The following ASCC1 variants were observed in gnomAD, a reference collection of about 807,000 sequenced individuals.
ASCC1 encodes activating signal cointegrator 1 complex subunit 1.
In ASCC1, 35 loss-of-function variants were observed where a neutral mutation model predicts 46.6. The observed-to-expected ratio is 0.75, with a 90% CI of 0.57 to 0.99. The LOEUF is 0.99. Ranked by LOEUF, ASCC1 falls within the 50% of genes least tolerant of loss-of-function variation. The pLI, the probability that ASCC1 is intolerant of heterozygous loss-of-function variation, is 0.00. For missense variants in ASCC1, 376 were observed against 428.7 expected (o/e 0.88, Z 1.09); for synonymous variants, 143 against 146.6 (o/e 0.98, Z 0.18).
chr10:72,183,716 A>G (rs1177355924), intron 5 of ASCC1, among the ~76,000 whole-genome samples: 1 of 152,244 alleles, frequency 6.6e-6, no homozygotes, highest in East Asian at 1.9e-4. Context: ...GTAGAATTAT[A>G]TGTTCACAGT....
chr10:72,172,357 G>A (rs1392106298), intron 5 of ASCC1, among the ~76,000 whole-genome samples: 1 of 145,664 alleles, frequency 6.9e-6, no homozygotes, highest in Admixed American at 7.1e-5. Flanking sequence ...AGAGGTTGCA[G>A]TGAGCCAAGA....
intron 7 of ASCC1, among the ~76,000 whole-genome samples, chr10:72,138,845 C>A (rs960707493): frequency 6.6e-6 from 1 of 151,718 alleles, no homozygotes; most frequent in South Asian, 2.1e-4. Context: ...GGATTACAGG[C>A]GTGAGCCACC....
intron 1 of ASCC1, 36 bp from the exon 2 acceptor site, chr10:72,213,367 G>T: frequency 8.3e-7 from 1 of 1,208,470 alleles, no homozygotes; most frequent in Non-Finnish European, 1.2e-6. Context: ...CTTTCTTAGT[G>T]AGAATTAAAA....
intron 6 of ASCC1, among the ~76,000 whole-genome samples, chr10:72,156,533 C>T (rs1057157434): frequency 2.6e-5 from 4 of 152,068 alleles, no homozygotes; most frequent in Non-Finnish European, 4.4e-5. Context: ...GAGGCTAAGG[C>T]GGGTGGATCA....
At chr10:72,123,303 C>A (rs1433410464) in intron 9 of ASCC1, among the ~76,000 whole-genome samples, 3 of 148,764 alleles carry the variant, frequency 2.0e-5, no homozygotes, top group African/African-American at 7.5e-5. Flanking sequence ...CGTGCCACTG[C>A]ACTCCAGCCT....
chr10:72,172,800 TA>T (rs1459085871), intron 5 of ASCC1, among the ~76,000 whole-genome samples: 6 of 135,358 alleles, frequency 4.4e-5, no homozygotes, highest in Admixed American at 8.4e-5. Context: ...TTATATATTA[TA>T]TTTTTATATT....
At chr10:72,188,199 GC>G (rs1410242828) in intron 5 of ASCC1, among the ~76,000 whole-genome samples, 1 of 145,104 alleles carries the variant, frequency 6.9e-6, no homozygotes, top group Non-Finnish European at 1.5e-5. Flanking sequence ...GCTCACTGCA[GC>G]CTCTACCTTC....
rs566376099 is a variant in ASCC1, at chr10:72,160,053, T to C, written c.626+1485A>G. 5.9e-5 allele frequency among the ~76,000 whole-genome samples: 9 copies of C among 152,148 alleles called. No individual in the cohort carries two copies. The East Asian group carries it at 1.2e-3, about 20-fold the overall frequency. ...CTGAGTAGCTGGGACTACAGGTGCC[T>C]GCCACCATGCCCAGCTAATTTTTTG... On this transcript the variant is annotated intron_variant, in intron 6 of 9. Transcript: ENST00000672957.
chr10:72,100,500 T>A (rs1171028994), intron 9 of ASCC1, among the ~76,000 whole-genome samples: 1 of 152,220 alleles, frequency 6.6e-6, no homozygotes, highest in Non-Finnish European at 1.5e-5. Context: ...GTGCTGGGAT[T>A]ACAGGCATGA....
At chr10:72,138,007 G>A (rs1454520203) in intron 7 of ASCC1, among the ~76,000 whole-genome samples, 1 of 152,084 alleles carries the variant, frequency 6.6e-6, no homozygotes, top group Non-Finnish European at 1.5e-5. Context: ...TGGGATTACA[G>A]GCGTGTGCCA....
Position 72,196,808 on chromosome 10 carries a change from TA to T in ASCC1, c.489+2del. 5.0e-6 allele frequency: 8 copies of T among 1,612,618 alleles called. No individual in the cohort carries two copies. Among genetic ancestry groups the T allele is most frequent in the Non-Finnish European group, 6.8e-6 (8 of 1,179,798 alleles). On this transcript the variant is annotated splice_donor_variant, in intron 5 of 9. Transcript: ENST00000672957. LOFTEE classifies it high-confidence loss of function. ...TTAACCTTCTTGCTTTGTTTGCACT[TA>T]CCATGGAGCACTTCGCCAGTACTTC...
intron 5 of ASCC1, among the ~76,000 whole-genome samples, chr10:72,177,685 T>G (rs1852024541): frequency 6.6e-6 from 1 of 152,158 alleles, no homozygotes; most frequent in Non-Finnish European, 1.5e-5. Flanking sequence ...GACCCTGCTG[T>G]GAGATAAAGT....
Position 72,099,702 on chromosome 10 carries a change from C to T in ASCC1, c.958-2252G>A, listed in dbSNP as rs1363719498. 2.0e-5 allele frequency among the ~76,000 whole-genome samples: 3 copies of T among 152,088 alleles called. No individual in the cohort carries two copies. In the East Asian group the frequency reaches 5.8e-4, roughly 29 times the overall value. ...AGGCGTGGCAGCGCATGCCTGTAAT[C>T]GCAGCTACCCGGGAGACTGAGGGAG... On this transcript the variant is annotated intron_variant, in intron 9 of 9. Coordinates refer to ENST00000672957, the MANE Select transcript of ASCC1 (RefSeq NM_001198800.3).
chr10:72,098,881 A>AT (rs1446193379), intron 9 of ASCC1, among the ~76,000 whole-genome samples: 1 of 152,226 alleles, frequency 6.6e-6, no homozygotes, highest in Admixed American at 6.5e-5. Context: ...TGCTTAAACC[A>AT]TATCCACCCT....
chr10:72,137,932 C>G (rs1846460874), intron 7 of ASCC1, among the ~76,000 whole-genome samples: 2 of 151,992 alleles, frequency 1.3e-5, no homozygotes, highest in Admixed American at 6.6e-5. Flanking sequence ...GGCACGATCT[C>G]AGCTCACCGC....
At chr10:72,122,349 G>C (rs921125350) in intron 9 of ASCC1, among the ~76,000 whole-genome samples, 1 of 151,506 alleles carries the variant, frequency 6.6e-6, no homozygotes, top group Admixed American at 6.6e-5. Context: ...AACCTGCAGG[G>C]GCGGAGGTTG....
chr10:72,202,842 A>G (rs966106228), intron 4 of ASCC1, among the ~76,000 whole-genome samples: 2 of 152,206 alleles, frequency 1.3e-5, no homozygotes, highest in African/African-American at 2.4e-5. Context: ...AAAGCATGAA[A>G]AGAAATCTCC....
At chr10:72,156,272 C>T (rs1848947928) in intron 6 of ASCC1, among the ~76,000 whole-genome samples, 2 of 152,234 alleles carry the variant, frequency 1.3e-5, no homozygotes, top group South Asian at 2.1e-4. Context: ...CCTTCACCTT[C>T]TGCCATAATT....
intron 5 of ASCC1, among the ~76,000 whole-genome samples, chr10:72,162,288 C>T (rs12256552): frequency 0.13 from 19,955 of 151,808 alleles, 4,159 homozygotes; most frequent in African/African-American, 0.44. Flanking sequence ...CTCCTGCCTC[C>T]GCCTCCCAAG....
Sources: gnomAD v4.1 joint callset for allele counts (sites outside exome capture counted in the v4.1 genomes callset) on GRCh38, gnomAD v4.1.1 for gene constraint, MANE v1.5 for transcripts, NCBI Gene and HGNC (gene_info 2026-07-23, HGNC 2026-07-21) for gene names.